Variants in RTTN observed in about 807,000 individuals in gnomAD.
RTTN encodes the protein rotatin.
RTTN carries 182 observed loss-of-function variants against 269.2 expected under a neutral mutation model. The observed-to-expected ratio is 0.68, with a 90% confidence interval of 0.60 to 0.76. The LOEUF (loss-of-function observed/expected upper bound fraction) is 0.76. Among genes scored for constraint, RTTN ranks in the 30% least tolerant of loss-of-function variants. The pLI is 0.00. For synonymous variants in RTTN, 1,006 were observed against 963.5 expected, an observed-to-expected ratio of 1.04 and a Z score of -0.82; for missense variants, 2,545 against 2,608.6, an observed-to-expected ratio of 0.98 and a Z score of 0.53.
intron 21 of RTTN, among the ~76,000 whole-genome samples, chr18:70,137,803 T>C (rs2060159652): frequency 6.6e-6 from 1 of 152,150 alleles, no homozygotes. Context: ...CAATTACAAG[T>C]ATTACTGTGG....
At chr18:70,158,706 A>G (rs552522828) in intron 14 of RTTN, among the ~76,000 whole-genome samples, 32 of 152,326 alleles carry the variant, frequency 2.1e-4, no homozygotes, top group African/African-American at 7.0e-4. Flanking sequence ...CCCAACTCAC[A>G]TGCAGTGACA....
intron 12 of RTTN, 111 bp downstream of exon 12, chr18:70,168,744 T>C (rs2061056883): frequency 1.3e-6 from 1 of 772,650 alleles, no homozygotes; most frequent in Non-Finnish European, 2.1e-6. Context: ...TCAGGAATAA[T>C]GTATCCCACC....
At chr18:70,099,410 G>A (rs543836036) in intron 28 of RTTN, among the ~76,000 whole-genome samples, 6 of 152,046 alleles carry the variant, frequency 3.9e-5, no homozygotes, top group Non-Finnish European at 5.9e-5. Flanking sequence ...CATATCCTTC[G>A]CCCACTTTTT....
rs775790638 is a variant in RTTN, at chr18:70,114,492, A to T, written c.3636T>A (p.Ile1212=). ...AVRQQLQKEL[I]ALFDTLLLNF... ...TGAGCAGCAAGGTATCAAAAAGAGC[A>T]ATCAGTTCTTTCTGAAGTTGTTGCC... is the stretch of plus-strand genomic sequence containing the variant. The change falls in exon 27 of 49, where the codon ATT becomes ATA. Residue 1212 remains isoleucine (I), a synonymous_variant. Transcript: ENST00000640769. 6.2e-7 allele frequency: 1 copy of T among 1,613,538 alleles called. No individual in the cohort carries two copies. Among genetic ancestry groups the T allele is most frequent in the Admixed American group, 1.7e-5 (1 of 60,004 alleles).
At chr18:70,164,056 G>T (rs2060919909) in intron 14 of RTTN, among the ~76,000 whole-genome samples, 1 of 152,056 alleles carries the variant, frequency 6.6e-6, no homozygotes, top group Non-Finnish European at 1.5e-5. Flanking sequence ...GGCTGTCAGG[G>T]GCTGGGAGAA....
At chr18:70,004,718 A>G (rs1459947650) in intron 48 of RTTN, among the ~76,000 whole-genome samples, 2 of 152,240 alleles carry the variant, frequency 1.3e-5, no homozygotes, top group African/African-American at 4.8e-5. Context: ...TGTTCAGAGA[A>G]TAACGCTCAC....
chr18:70,038,895 G>A (rs1050133445), intron 40 of RTTN, among the ~76,000 whole-genome samples: 9 of 151,990 alleles, frequency 5.9e-5, no homozygotes, highest in African/African-American at 1.9e-4. Flanking sequence ...TAATTAAGAA[G>A]AATGAAACAG....
At chr18:70,070,115 C>G (rs1217222679) in intron 34 of RTTN, among the ~76,000 whole-genome samples, 1 of 152,176 alleles carries the variant, frequency 6.6e-6, no homozygotes, top group Non-Finnish European at 1.5e-5. Flanking sequence ...AAGGAATGAG[C>G]AGAAGATGAT....
chr18:70,096,238 A>G (rs1319739358), intron 28 of RTTN, among the ~76,000 whole-genome samples: 1 of 152,158 alleles, frequency 6.6e-6, no homozygotes. Context: ...GCATTGAGTT[A>G]GAACATGCTC....
intron 21 of RTTN, 28 bp downstream of exon 21, chr18:70,139,571 A>G (rs777315564): frequency 1.5e-6 from 2 of 1,320,326 alleles, no homozygotes; most frequent in South Asian, 2.5e-5. Flanking sequence ...AGAACAATCT[A>G]ATTATTAGCA....
At chr18:70,136,393 ATTTAAG>A (rs996669928) in intron 21 of RTTN, among the ~76,000 whole-genome samples, 2 of 137,502 alleles carry the variant, frequency 1.5e-5, no homozygotes, top group African/African-American at 5.0e-5. Context: ...TCCATAAAAT[ATTTAAG>A]TTTAAGGTTA....
chr18:70,006,141 G>A (rs573510846), intron 47 of RTTN: 4 of 376,632 alleles, frequency 1.1e-5, no homozygotes, highest in Admixed American at 4.3e-5. Flanking sequence ...AAATTAAGAG[G>A]AAAAAGTCAG....
intron 9 of RTTN, among the ~76,000 whole-genome samples, chr18:70,188,536 T>C (rs2061599184): frequency 1.3e-5 from 2 of 152,236 alleles, no homozygotes; most frequent in African/African-American, 2.4e-5. Context: ...ACCATCCATT[T>C]TACACGTAAT....
At chr18:70,074,265 CT>C (rs375733546) in intron 33 of RTTN, among the ~76,000 whole-genome samples, 118 of 152,084 alleles carry the variant, frequency 7.8e-4, no homozygotes, top group African/African-American at 2.5e-3. Context: ...AGTGGAAGCC[CT>C]GAGTGTTCAC....
At chr18:70,094,690 T>G (rs561152352) in intron 28 of RTTN, among the ~76,000 whole-genome samples, 2 of 152,194 alleles carry the variant, frequency 1.3e-5, no homozygotes, top group Non-Finnish European at 2.9e-5. Flanking sequence ...TGCTGAGGAG[T>G]GTTTTACTTC....
chr18:70,172,477 A>G (rs1051449178), intron 11 of RTTN, among the ~76,000 whole-genome samples: 1 of 152,228 alleles, frequency 6.6e-6, no homozygotes, highest in Non-Finnish European at 1.5e-5. Context: ...TTTAACATCA[A>G]TGAAATAGCA....
At chr18:70,192,209 T>C (rs2061688077) in intron 8 of RTTN, among the ~76,000 whole-genome samples, 2 of 152,212 alleles carry the variant, frequency 1.3e-5, no homozygotes, top group Admixed American at 6.5e-5. Context: ...TTAACAGTAG[T>C]AGCAGTATTG....
At chr18:70,128,032 T>A (rs1370370895) in intron 24 of RTTN, 3 of 441,768 alleles carry the variant, frequency 6.8e-6, no homozygotes, top group Non-Finnish European at 1.2e-5. Context: ...ACACTAATGA[T>A]AACACTCATG....
At chr18:70,202,233 T>G (rs1568564921) in intron 3 of RTTN, among the ~76,000 whole-genome samples, 1 of 152,346 alleles carries the variant, frequency 6.6e-6, no homozygotes, top group South Asian at 2.1e-4. Flanking sequence ...TTTGTTAGAA[T>G]GTACACGAAG....
Sources: gnomAD v4.1 joint callset for allele counts (sites outside exome capture counted in the v4.1 genomes callset) on GRCh38, gnomAD v4.1.1 for gene constraint, MANE v1.5 for transcripts, NCBI Gene and HGNC (gene_info 2026-07-23, HGNC 2026-07-21) for gene names.